The following NCALD variants were observed in gnomAD, a reference collection of about 807,000 sequenced individuals.
The protein encoded by NCALD is neurocalcin delta, also known as neurocalcin-delta.
In NCALD, 10 loss-of-function variants were observed where a neutral mutation model predicts 18.6. That is an observed-to-expected ratio of 0.54 (90% CI 0.33 to 0.91). The LOEUF is 0.91. Ranked by LOEUF, NCALD falls within the 40% of genes least tolerant of loss-of-function variation. The probability of loss-of-function intolerance (pLI) is 0.03; values close to 1 mark genes in which losing one functional copy is unlikely to be tolerated. For synonymous variants in NCALD, 88 were observed against 87.4 expected, an observed-to-expected ratio of 1.01 and a Z score of -0.04; for missense variants, 184 against 247.6, an observed-to-expected ratio of 0.74 and a Z score of 1.72.
chr8:101,969,922 AGTGT>A (rs146395849), intron 2 of NCALD, among the ~76,000 whole-genome samples: 5 of 151,710 alleles, frequency 3.3e-5, no homozygotes, highest in East Asian at 1.9e-4. Context: ...AATAAATCTA[AGTGT>A]GTGTGTGTGT....
chr8:101,705,652 T>C (rs1486681862), intron 2 of NCALD, among the ~76,000 whole-genome samples: 1 of 152,140 alleles, frequency 6.6e-6, no homozygotes, highest in Non-Finnish European at 1.5e-5. Context: ...TAAAAGGAGA[T>C]ACAGCTCTGC....
intron 2 of NCALD, among the ~76,000 whole-genome samples, chr8:101,928,308 G>T (rs1480230535): frequency 6.6e-6 from 1 of 152,112 alleles, no homozygotes; most frequent in Non-Finnish European, 1.5e-5. Context: ...TAACTATTAT[G>T]CTGTACTTTC....
intron 2 of NCALD, among the ~76,000 whole-genome samples, chr8:101,918,740 C>CCACA (rs34480976): frequency 0.025 from 3,492 of 140,714 alleles, 69 homozygotes; most frequent in Admixed American, 0.056. Flanking sequence ...TTTACAATAG[C>CCACA]CACACACACA....
At chr8:102,086,251 G>A (rs1439775411) in intron 1 of NCALD, among the ~76,000 whole-genome samples, 1 of 152,100 alleles carries the variant, frequency 6.6e-6, no homozygotes, top group East Asian at 1.9e-4. Context: ...GTGTATGATT[G>A]GAAAAATATA....
At chr8:101,692,463 T>A in intron 3 of NCALD, 5 of 985,458 alleles carry the variant, frequency 5.1e-6, no homozygotes, top group Non-Finnish European at 6.0e-6. Flanking sequence ...CCCAGCCTGC[T>A]ATAGCCTAGG....
chr8:101,791,590 A>C (rs2131022672), upstream of NCALD, among the ~76,000 whole-genome samples: 1 of 152,366 alleles, frequency 6.6e-6, no homozygotes, highest in Admixed American at 6.5e-5. Flanking sequence ...CAGGTAAGAC[A>C]GTCTAATGAT....
rs112131848 is a variant in NCALD at position 101,721,854 on chromosome 8, C to CT, written c.-19-2207dup. On this transcript the variant is annotated intron_variant, in intron 1 of 3. Transcript: ENST00000220931. ...AACTTACTTTTTGGGTTCCCCCTGC[C>CT]TTTTTTTTTTTTTTTAAGACTCTGT... 4.8e-3 allele frequency among the ~76,000 whole-genome samples: 678 copies of CT among 141,002 alleles called. 5 individuals carry two copies. Among genetic ancestry groups the CT allele is most frequent in the African/African-American group, 0.01 (401 of 38,730 alleles). 92.5% of individuals were successfully genotyped at this position (141,002 alleles called of 152,430 possible).
At chr8:101,772,925 A>T (rs1278042961) in intron 1 of NCALD, among the ~76,000 whole-genome samples, 1 of 152,198 alleles carries the variant, frequency 6.6e-6, no homozygotes, top group Non-Finnish European at 1.5e-5. Flanking sequence ...CAGTGACCCC[A>T]GAAAGGGGTA....
intron 2 of NCALD, among the ~76,000 whole-genome samples, chr8:102,016,138 C>G (rs1229594086): frequency 6.6e-6 from 1 of 152,158 alleles, no homozygotes; most frequent in East Asian, 1.9e-4. Context: ...CAAAAGCCTG[C>G]CATCTGCCCT....
At chr8:101,741,936 C>CAAAAA (rs71278804) in intron 1 of NCALD, among the ~76,000 whole-genome samples, 2 of 76,126 alleles carry the variant, frequency 2.6e-5, no homozygotes, top group African/African-American at 4.6e-5. Flanking sequence ...AAGCCTGTCT[C>CAAAAA]AAAAAAAAAA....
chr8:101,868,918 C>A (rs916966925), intron 4 of NCALD, among the ~76,000 whole-genome samples: 2 of 152,156 alleles, frequency 1.3e-5, no homozygotes, highest in Non-Finnish European at 2.9e-5. Context: ...TTGTCTAATT[C>A]TTTGTTCAAA....
intron 2 of NCALD, among the ~76,000 whole-genome samples, chr8:101,966,262 A>G (rs913819979): frequency 9.9e-5 from 15 of 152,226 alleles, no homozygotes; most frequent in Non-Finnish European, 1.8e-4. Context: ...GTTAAAATAC[A>G]TGTTGGAAAG....
chr8:101,897,620 A>G (rs1224340064), intron 3 of NCALD, among the ~76,000 whole-genome samples: 2 of 152,236 alleles, frequency 1.3e-5, no homozygotes, highest in Non-Finnish European at 2.9e-5. Flanking sequence ...GCTAGGAACA[A>G]TTATGTACAG....
chr8:102,063,413 G>A (rs574136084), intron 1 of NCALD, among the ~76,000 whole-genome samples: 27 of 152,174 alleles, frequency 1.8e-4, no homozygotes, highest in South Asian at 4.2e-4. Flanking sequence ...ACTCAGGACC[G>A]ACCAATGCTC....
intron 2 of NCALD, among the ~76,000 whole-genome samples, chr8:102,017,783 TTGAA>T (rs1822140548): frequency 6.6e-6 from 1 of 152,196 alleles, no homozygotes; most frequent in Non-Finnish European, 1.5e-5. Flanking sequence ...TTTCTACTCT[TTGAA>T]TGAGACTTTT....
chr8:102,109,598 T>C (rs898194711), intron 1 of NCALD, among the ~76,000 whole-genome samples: 12 of 152,200 alleles, frequency 7.9e-5, no homozygotes, highest in African/African-American at 2.9e-4. Context: ...GCAAGTGATA[T>C]ACTAATATTT....
At chr8:101,802,695 C>G (rs574171054) in intron 4 of NCALD, among the ~76,000 whole-genome samples, 1 of 151,970 alleles carries the variant, frequency 6.6e-6, no homozygotes, top group African/African-American at 2.4e-5. Context: ...AAGCCAGTCC[C>G]TAACTCTCTT....
intron 4 of NCALD, chr8:101,872,250 C>T (rs1816051037): frequency 7.0e-7 from 1 of 1,420,184 alleles, no homozygotes; most frequent in Admixed American, 1.7e-5. Context: ...GAACATAATA[C>T]TTCCCTGAAA....
intron 3 of NCALD, among the ~76,000 whole-genome samples, chr8:101,898,941 T>G (rs961558515): frequency 6.6e-6 from 1 of 152,120 alleles, no homozygotes; most frequent in African/African-American, 2.4e-5. Context: ...TATAAGAATT[T>G]CATTAAACTT....
Sources: gnomAD v4.1 joint callset for allele counts (sites outside exome capture counted in the v4.1 genomes callset) on GRCh38, gnomAD v4.1.1 for gene constraint, MANE v1.5 for transcripts, NCBI Gene and HGNC (gene_info 2026-07-23, HGNC 2026-07-21) for gene names.